Variants in COL13A1 observed in about 807,000 individuals in gnomAD.
COL13A1 encodes the protein collagen alpha-1(XIII) chain.
In COL13A1, 89 loss-of-function variants were observed where a neutral mutation model predicts 130.9. The ratio of observed to expected loss-of-function variants is 0.68; its 90% CI spans 0.57 to 0.81. COL13A1 has a LOEUF of 0.81. Ranked by LOEUF, COL13A1 falls within the 30% of genes least tolerant of loss-of-function variation. COL13A1 has a pLI of 0.00. For missense variants in COL13A1, 879 were observed against 934.6 expected, an observed-to-expected ratio of 0.94 and a Z score of 0.78; for synonymous variants, 402 against 341.6, an observed-to-expected ratio of 1.18 and a Z score of -1.95.
chr10:69,910,043 C>A (rs1323829157), intron 17 of COL13A1, among the ~76,000 whole-genome samples: 1 of 152,182 alleles, frequency 6.6e-6, no homozygotes, highest in Non-Finnish European at 1.5e-5. Context: ...TCAGGGGACT[C>A]ACCCCAGGCT....
intron 7 of COL13A1, among the ~76,000 whole-genome samples, chr10:69,886,255 C>A (rs1376172924): frequency 2.0e-5 from 3 of 152,326 alleles, no homozygotes; most frequent in Middle Eastern, 6.8e-3. Context: ...TTTCAATAGG[C>A]TTTACAAACA....
intron 2 of COL13A1, among the ~76,000 whole-genome samples, chr10:69,850,826 G>T (rs972930427): frequency 1.0e-4 from 16 of 152,382 alleles, no homozygotes; most frequent in African/African-American, 3.6e-4. Context: ...GTTCTGGAAC[G>T]GGGATGGCCC....
At chr10:69,815,419 T>C (rs1459857872) in intron 1 of COL13A1, among the ~76,000 whole-genome samples, 1 of 152,114 alleles carries the variant, frequency 6.6e-6, no homozygotes, top group East Asian at 1.9e-4. Context: ...TCTGGCCACA[T>C]AGGGCATTCC....
intron 2 of COL13A1, among the ~76,000 whole-genome samples, chr10:69,828,312 G>A (rs781051347): frequency 1.3e-5 from 2 of 151,638 alleles, no homozygotes; most frequent in African/African-American, 2.4e-5. Flanking sequence ...CAGCCCCACC[G>A]CATGTCCCAT....
At chr10:69,837,349 A>G (rs1449026673) in intron 2 of COL13A1, among the ~76,000 whole-genome samples, 1 of 152,082 alleles carries the variant, frequency 6.6e-6, no homozygotes, top group Non-Finnish European at 1.5e-5. Context: ...TTCTTTGCTC[A>G]TTGGCACTCA....
chr10:69,932,433 C>G, intron 30 of COL13A1, 127 bp from the exon 31 acceptor site: 1 of 659,724 alleles, frequency 1.5e-6, no homozygotes, highest in South Asian at 1.7e-5. Flanking sequence ...TCCACATCCT[C>G]CATGGTGTTC....
chr10:69,944,492 C>CA (rs1246336463), intron 36 of COL13A1, among the ~76,000 whole-genome samples: 4 of 151,984 alleles, frequency 2.6e-5, no homozygotes, highest in Admixed American at 6.6e-5. Flanking sequence ...CCAGACTCTA[C>CA]AAAAAATTTT....
chr10:69,958,812 T>A lies in COL13A1; in HGVS notation c.*111T>A. 1 of 1,439,262 alleles carries A rather than the reference T, an allele frequency of 6.9e-7. No homozygotes were observed. 89.2% of individuals were successfully genotyped at this position (1,439,262 alleles called of 1,614,324 possible). A position where few individuals can be genotyped will look rare whatever the true frequency, so the allele number is the denominator to read the frequency against. On this transcript the variant is annotated 3_prime_UTR_variant, in exon 41 of 41. Transcript: ENST00000645393. ...AAGTATGATGCATCTTACAGATTAT[T>A]AAAAAAGAAAGAAAAACCTGCATAT...
intron 25 of COL13A1, among the ~76,000 whole-genome samples, chr10:69,925,323 A>G (rs2135707775): frequency 6.6e-6 from 1 of 152,356 alleles, no homozygotes; most frequent in East Asian, 1.9e-4. Context: ...GCTGTGGTGA[A>G]CATGGAGCAG....
At chr10:69,865,227 T>C (rs1023157256) in intron 2 of COL13A1, among the ~76,000 whole-genome samples, 1 of 152,202 alleles carries the variant, frequency 6.6e-6, no homozygotes, top group Non-Finnish European at 1.5e-5. Flanking sequence ...TGGTAATGCC[T>C]TGGAGTGACT....
intron 25 of COL13A1, 115 bp from the exon 26 acceptor site, chr10:69,925,689 G>A: frequency 1.4e-6 from 1 of 724,330 alleles, no homozygotes; most frequent in East Asian, 2.7e-5. Context: ...GGCTGTTCTG[G>A]GTCCACCCAT....
chr10:69,925,939 A>C (rs755619748), intron 26 of COL13A1, 67 bp downstream of exon 26: 53 of 1,368,410 alleles, frequency 3.9e-5, no homozygotes, highest in Non-Finnish European at 5.4e-5. Flanking sequence ...TGCCCTGATC[A>C]GGGGGCCCTT....
intron 7 of COL13A1, among the ~76,000 whole-genome samples, chr10:69,886,384 A>T: frequency 6.6e-6 from 1 of 152,212 alleles, no homozygotes; most frequent in Non-Finnish European, 1.5e-5. Context: ...TCATAGTCGG[A>T]GGCAGGATTA....
At chr10:69,870,821 G>A (rs941284772) in intron 3 of COL13A1, among the ~76,000 whole-genome samples, 6 of 151,990 alleles carry the variant, frequency 3.9e-5, no homozygotes, top group African/African-American at 1.5e-4. Context: ...ACTTGGCTCT[G>A]AGCTTCTCGG....
At chr10:69,890,588 G>C (rs865962324) in intron 10 of COL13A1, among the ~76,000 whole-genome samples, 2 of 152,222 alleles carry the variant, frequency 1.3e-5, no homozygotes, top group Admixed American at 6.5e-5. Flanking sequence ...CCCATGACTG[G>C]GGCACTGCCA....
chr10:69,871,459 C>T (rs772563668), intron 3 of COL13A1, among the ~76,000 whole-genome samples: 11 of 152,190 alleles, frequency 7.2e-5, no homozygotes, highest in Non-Finnish European at 1.0e-4. Flanking sequence ...TCCCCATGAA[C>T]GCTGTAGCCC....
At chr10:69,932,345 C>T (rs375528508) in intron 30 of COL13A1, among the ~76,000 whole-genome samples, 1 of 152,150 alleles carries the variant, frequency 6.6e-6, no homozygotes, top group Non-Finnish European at 1.5e-5. Context: ...AAGGCCTGTA[C>T]GCTGCAGAGT....
At chr10:69,933,864 A>G (rs1439240278) in intron 31 of COL13A1, among the ~76,000 whole-genome samples, 1 of 152,210 alleles carries the variant, frequency 6.6e-6, no homozygotes. Context: ...CAAGCACCGC[A>G]CTAAGCCCTG....
chr10:69,904,830 T>G (rs1241277142), intron 15 of COL13A1, 103 bp from the exon 16 acceptor site: 6 of 1,239,536 alleles, frequency 4.8e-6, no homozygotes, highest in Non-Finnish European at 6.7e-6. Context: ...CCATAGCTAT[T>G]GGGAGCTGCT....
Sources: gnomAD v4.1 joint callset for allele counts (sites outside exome capture counted in the v4.1 genomes callset) on GRCh38, gnomAD v4.1.1 for gene constraint, MANE v1.5 for transcripts, NCBI Gene and HGNC (gene_info 2026-07-23, HGNC 2026-07-21) for gene names.